The following LAMA1 variants were observed in gnomAD, a reference collection of about 807,000 sequenced individuals.
LAMA1 encodes the protein laminin subunit alpha 1.
In LAMA1, 219 loss-of-function variants were observed where a neutral mutation model predicts 348.7. The ratio of observed to expected loss-of-function variants is 0.63; its 90% confidence interval spans 0.56 to 0.70. The LOEUF is 0.70. Ranked by LOEUF, LAMA1 falls within the 30% of genes least tolerant of loss-of-function variation. The pLI, the probability that LAMA1 is intolerant of heterozygous loss-of-function variation, is 0.00. For missense variants in LAMA1, 3,744 were observed against 3,888.0 expected, an observed-to-expected ratio of 0.96 and a Z score of 0.99; for synonymous variants, 1,487 against 1,491.0, an observed-to-expected ratio of 1.00 and a Z score of 0.06.
chr18:7,028,604 A>C (rs1218777055), intron 16 of LAMA1, among the ~76,000 whole-genome samples: 1 of 152,260 alleles, frequency 6.6e-6, no homozygotes, highest in Non-Finnish European at 1.5e-5. Flanking sequence ...CAGAAAGGCT[A>C]ACAATCCAGG....
chr18:7,024,473 AAACATTAGAAATG>A lies in LAMA1; in HGVS notation c.2403-20_2403-8del. ...GTGGCAGGTGGGGCTGAAACTGTCAAAACATTAGAAATGAACAAAATTTTCCAATGGATGAAGC... is the reference window on the plus strand; with the variant it reads ...GTGGCAGGTGGGGCTGAAACTGTCAAAACAAAATTTTCCAATGGATGAAGC... On this transcript the variant is annotated splice_polypyrimidine_tract_variant and splice_region_variant and intron_variant, in intron 17 of 62. Transcript: ENST00000389658. 6.2e-7 allele frequency: 1 copy of A among 1,612,262 alleles called. No individual in the cohort carries two copies. The highest frequency in any genetic ancestry group is 8.5e-7 in the Non-Finnish European group (1 of 1,178,742).
intron 1 of LAMA1, among the ~76,000 whole-genome samples, chr18:7,093,251 C>T (rs2058247015): frequency 6.6e-6 from 1 of 152,070 alleles, no homozygotes; most frequent in African/African-American, 2.4e-5. Flanking sequence ...CCCGTCTCTA[C>T]TAAAAATATA....
In LAMA1 at chr18:7,099,829, A is replaced by C. The variant is rs200446592; in HGVS notation, c.61+17831T>G. ...ATCCCAGCACTTTGGGAGGCTGAGG[A>C]GGGCAGATCATGAGGTCAGGAGATT... On this transcript the variant is annotated intron_variant, in intron 1 of 62. Transcript: ENST00000389658. Among the ~76,000 whole-genome samples, 21 of 151,966 alleles carry C rather than the reference A, an allele frequency of 1.4e-4. No individual in the cohort carries two copies. The East Asian group carries it at 4.1e-3, about 29-fold the overall frequency.
Position 6,979,865 on chromosome 18 carries a change from C to G in LAMA1, c.6007+656G>C, listed in dbSNP as rs142890237. On this transcript the variant is annotated intron_variant, in intron 42 of 62. Transcript: ENST00000389658. ...AGTGAGCCAAGATCGCGCCACTGCA[C>G]TCCAGCCTGGGCGACAGAGCGAGAC... is the stretch of plus-strand genomic sequence containing the variant. Among the ~76,000 whole-genome samples the G allele has an allele frequency of 7.7e-3, 1,173 of 152,310 alleles. 14 individuals are homozygous for G. The highest frequency in any genetic ancestry group is 0.024 in the African/African-American group (993 of 41,564).
At position 6,999,614 on chromosome 18, in the gene LAMA1, G is replaced by A. The variant is rs147381498; in HGVS notation, c.4494C>T (p.Asn1498=). ...GGCAACTGCCACCTGGTGTTTGAGG[G>A]TTCCCATAATAGCTTGAGGAGCACC... The part of the protein sequence containing the change: ...CERCSSSYYG[N]PQTPGGSCQK... Residue 1498 remains asparagine, a synonymous_variant, in exon 32 of 63, where the codon AAC becomes AAT. Transcript: ENST00000389658. 5.0e-6 allele frequency: 8 copies of A among 1,613,174 alleles called. No homozygotes were observed. The East Asian group carries it at 1.8e-4, about 36-fold the overall frequency.
intron 39 of LAMA1, among the ~76,000 whole-genome samples, chr18:6,984,878 T>C (rs548636191): frequency 6.6e-6 from 1 of 152,302 alleles, no homozygotes; most frequent in Non-Finnish European, 1.5e-5. Context: ...AAGAAATTAA[T>C]AACCTCATTC....
At chr18:7,054,149 C>T (rs1311138492) in intron 3 of LAMA1, among the ~76,000 whole-genome samples, 2 of 152,144 alleles carry the variant, frequency 1.3e-5, no homozygotes, top group Non-Finnish European at 2.9e-5. Context: ...ATCTTGGATT[C>T]CACTTTCATG....
In LAMA1 at chr18:7,044,856, C is replaced by T; in HGVS notation, c.859-17G>A. 1 of 1,555,802 alleles carries T rather than the reference C, an allele frequency of 6.4e-7. No individual in the cohort carries two copies. Among genetic ancestry groups the T allele is most frequent in the Non-Finnish European group, 8.9e-7 (1 of 1,126,876 alleles). Reference sequence around the variant, plus strand: ...CTGCAGTTTCTACACAATAAGGAAGCCAAAACTGAATTAGAAAATGTATCT... The same window carrying T: ...CTGCAGTTTCTACACAATAAGGAAGTCAAAACTGAATTAGAAAATGTATCT... On this transcript the variant is annotated splice_polypyrimidine_tract_variant and intron_variant, in intron 6 of 62. Coordinates refer to ENST00000389658, the MANE Select transcript of LAMA1 (RefSeq NM_005559.4).
At chr18:6,953,528 C>G (rs2057559826) in intron 57 of LAMA1, among the ~76,000 whole-genome samples, 1 of 152,126 alleles carries the variant, frequency 6.6e-6, no homozygotes, top group African/African-American at 2.4e-5. Flanking sequence ...CTGAACGTAT[C>G]CCCCGAGGAG....
chr18:7,099,307 A>G (rs1456052926), intron 1 of LAMA1, among the ~76,000 whole-genome samples: 1 of 151,074 alleles, frequency 6.6e-6, no homozygotes, highest in African/African-American at 2.4e-5. Context: ...CCTAATCTCA[A>G]GTACCCAGGG....
chr18:7,095,472 AC>A (rs2058257401), intron 1 of LAMA1, among the ~76,000 whole-genome samples: 2 of 152,018 alleles, frequency 1.3e-5, no homozygotes, highest in Non-Finnish European at 2.9e-5. Flanking sequence ...TGCACTTTCT[AC>A]CCCTTCTCCT....
rs749695329 is a variant in LAMA1, at chr18:7,080,297, T to A, written c.222A>T (p.Ala74=). The part of the protein sequence containing the change: ...PQCRICDGNS[A]NPRERHPISH... Reference sequence around the variant, plus strand: ...AGGCGCGACACTTGCCTCTGGGGTTTGCGCTGTTGCCATCACAGATCCGGC... The same window carrying A: ...AGGCGCGACACTTGCCTCTGGGGTTAGCGCTGTTGCCATCACAGATCCGGC... Residue 74 remains alanine, a synonymous_variant, in exon 2 of 63, where the codon GCA becomes GCT. Transcript: ENST00000389658. 2 of 1,614,116 alleles carry A rather than the reference T, an allele frequency of 1.2e-6. No individual in the cohort carries two copies. The highest frequency in any genetic ancestry group is 1.7e-6 in the Non-Finnish European group (2 of 1,180,056).
rs749281239 is a variant in LAMA1, at chr18:7,044,807, G to T, written c.891C>A (p.Cys297Ter). 7 of 1,614,034 alleles carry T rather than the reference G, an allele frequency of 4.3e-6. No homozygotes were observed. Among genetic ancestry groups the T allele is most frequent in the Non-Finnish European group, 5.9e-6 (7 of 1,179,978 alleles). The part of the protein sequence containing the change: ...KLQCQCEHNT[C>*]GESCNRCCPG... Reference sequence around the variant, plus strand: ...GACAGCACCTGTTACAGCTCTCCCCGCAAGTATTATGCTCACATTGACACT... The same window carrying T: ...GACAGCACCTGTTACAGCTCTCCCCTCAAGTATTATGCTCACATTGACACT... Residue 297 changes from cysteine (C) to a stop codon, truncating the protein, a stop_gained, in exon 7 of 63, where the codon TGC becomes TGA. Coordinates refer to ENST00000389658, the MANE Select transcript of LAMA1 (RefSeq NM_005559.4). LOFTEE classifies it high-confidence loss of function.
intron 5 of LAMA1, among the ~76,000 whole-genome samples, chr18:7,046,824 T>G (rs1193978948): frequency 6.6e-6 from 1 of 152,208 alleles, no homozygotes; most frequent in African/African-American, 2.4e-5. Flanking sequence ...TTCTCTATGT[T>G]TTTACATGTT....
chr18:7,049,842 T>A (rs1402668662), intron 4 of LAMA1, among the ~76,000 whole-genome samples: 5 of 152,220 alleles, frequency 3.3e-5, no homozygotes, highest in African/African-American at 1.2e-4. Flanking sequence ...GAATGTAAAT[T>A]ATGTCTCAAA....
At chr18:6,960,364 A>G (rs2057601200) in intron 53 of LAMA1, 1 of 152,262 alleles carries the variant, frequency 6.6e-6, no homozygotes, top group Non-Finnish European at 1.5e-5. Flanking sequence ...GTACTGATCC[A>G]TGCTCCAATG....
Position 7,011,351 on chromosome 18 carries a change from G to T in LAMA1, c.3636C>A (p.Ile1212=), listed in dbSNP as rs1314405550. 1.2e-6 allele frequency: 2 copies of T among 1,612,584 alleles called. No individual in the cohort carries two copies. Among genetic ancestry groups the T allele is most frequent in the Non-Finnish European group, 8.5e-7 (1 of 1,179,618 alleles). ...LLDAATVRQH[I]RAEPFYWRLP... is the part of the protein sequence containing the mutation. The stretch of plus-strand genomic sequence containing the variant: ...GCCGCCAGTAAAACGGCTCTGCACG[G>T]ATGTGCTGCCGGACGGTGGCGGCAT... Residue 1212 remains isoleucine (I), a synonymous_variant, in exon 25 of 63, where the codon ATC becomes ATA. Transcript: ENST00000389658.
intron 6 of LAMA1, among the ~76,000 whole-genome samples, chr18:7,045,481 A>C (rs922694241): frequency 6.6e-6 from 1 of 152,192 alleles, no homozygotes; most frequent in Non-Finnish European, 1.5e-5. Flanking sequence ...AATAAATAAA[A>C]ATTTTAAAAA....
intron 57 of LAMA1, among the ~76,000 whole-genome samples, chr18:6,952,571 A>G (rs1341035167): frequency 1.3e-5 from 2 of 152,164 alleles, no homozygotes; most frequent in Non-Finnish European, 2.9e-5. Flanking sequence ...CCAAGGTTTC[A>G]CTTTTTGAGG....
Sources: allele counts gnomAD v4.1 joint callset (sites outside exome capture counted in the v4.1 genomes callset), GRCh38; gene constraint gnomAD v4.1.1; transcripts MANE v1.5; gene names NCBI Gene and HGNC (gene_info 2026-07-23, HGNC 2026-07-21).